RUNX1T1: variants seen among roughly 807,000 people sequenced by gnomAD.
RUNX1T1 encodes the protein protein CBFA2T1.
Under a neutral mutation model 62.8 loss-of-function variants are expected in RUNX1T1, and 4 were observed. That is an observed-to-expected ratio of 0.06 (90% CI 0.03 to 0.15). The LOEUF is 0.15. RUNX1T1 is among the 10% of genes least tolerant of loss of function. The pLI is 1.00. For synonymous variants in RUNX1T1, 291 were observed against 286.0 expected (o/e 1.02, Z -0.18); for missense variants, 508 against 754.3 (o/e 0.67, Z 3.82).
chr8:92,088,143 A>G (rs997678325), intron 1 of RUNX1T1, among the ~76,000 whole-genome samples: 1 of 152,240 alleles, frequency 6.6e-6, no homozygotes, highest in African/African-American at 2.4e-5. Flanking sequence ...ACACATGATA[A>G]AAGTTACAAA....
intron 1 of RUNX1T1, among the ~76,000 whole-genome samples, chr8:92,033,910 A>G (rs1462485089): frequency 6.6e-6 from 1 of 152,042 alleles, no homozygotes; most frequent in East Asian, 1.9e-4. Context: ...TGGAGGTTGC[A>G]GTGAGCTGAG....
intron 4 of RUNX1T1, among the ~76,000 whole-genome samples, chr8:92,008,842 AAAGAGACTATAG>A: frequency 6.6e-6 from 1 of 152,352 alleles, no homozygotes; most frequent in East Asian, 1.9e-4. Context: ...TATTTTCACA[AAAGAGACTATAG>A]AAATTGGGTG....
chr8:92,064,864 T>C (rs78123523), upstream of RUNX1T1, among the ~76,000 whole-genome samples: 284 of 152,326 alleles, frequency 1.9e-3, 1 homozygote, highest in African/African-American at 6.1e-3. Context: ...ATTATGTATC[T>C]TTTCTATGTG....
chr8:91,976,251 T>C (rs1813919788), intron 8 of RUNX1T1, among the ~76,000 whole-genome samples: 2 of 152,236 alleles, frequency 1.3e-5, no homozygotes, highest in African/African-American at 2.4e-5. Context: ...TTGGGAACAC[T>C]GTTCTCAGCA....
intron 1 of RUNX1T1, among the ~76,000 whole-genome samples, chr8:92,086,985 A>G (rs953867079): frequency 1.3e-5 from 2 of 152,206 alleles, no homozygotes; most frequent in South Asian, 4.1e-4. Flanking sequence ...TATTGGATGC[A>G]GGGTTTCCTT....
intron 2 of RUNX1T1, 79 bp downstream of exon 3, chr8:92,017,146 TC>T: frequency 2.8e-6 from 3 of 1,056,006 alleles, no homozygotes; most frequent in Non-Finnish European, 4.2e-6. Context: ...AATTTTATTT[TC>T]CCTTGATTTT....
intron 1 of RUNX1T1, among the ~76,000 whole-genome samples, chr8:92,096,292 T>G (rs1837738947): frequency 6.6e-6 from 1 of 152,162 alleles, no homozygotes. Context: ...AGAGTCTATT[T>G]TGGAGGTGGG....
At chr8:91,997,818 A>C (rs1586902112) in intron 5 of RUNX1T1, among the ~76,000 whole-genome samples, 1 of 152,108 alleles carries the variant, frequency 6.6e-6, no homozygotes, top group East Asian at 1.9e-4. Flanking sequence ...CCATCCCTAG[A>C]CTGTAGCTCC....
chr8:91,956,410 G>C, downstream of RUNX1T1: 1 of 229,614 alleles, frequency 4.4e-6, no homozygotes, highest in Non-Finnish European at 8.6e-6. Flanking sequence ...CTACAGATTT[G>C]ATTCAGCACC....
intron 10 of RUNX1T1, among the ~76,000 whole-genome samples, chr8:91,964,093 C>G (rs1311203468): frequency 6.6e-6 from 1 of 152,174 alleles, no homozygotes; most frequent in Admixed American, 6.5e-5. Context: ...ACACGAACCT[C>G]CCCTTTGCTA....
At chr8:92,052,740 G>A (rs1830426119) in intron 1 of RUNX1T1, among the ~76,000 whole-genome samples, 1 of 152,130 alleles carries the variant, frequency 6.6e-6, no homozygotes, top group Admixed American at 6.5e-5. Context: ...CTTGGGAGGG[G>A]GCAGAGAATT....
At chr8:92,020,103 C>T (rs1823791593) in intron 1 of RUNX1T1, among the ~76,000 whole-genome samples, 1 of 152,096 alleles carries the variant, frequency 6.6e-6, no homozygotes, top group East Asian at 1.9e-4. Context: ...AAAGTGGGAC[C>T]ATATGTAACT....
At chr8:92,018,791 C>T (rs1249342454) in intron 1 of RUNX1T1, among the ~76,000 whole-genome samples, 2 of 152,056 alleles carry the variant, frequency 1.3e-5, no homozygotes, top group Admixed American at 1.3e-4. Flanking sequence ...AGGGAAGATG[C>T]AATAAGAGAA....
At chr8:92,061,432 A>T (rs1832015633) in intron 1 of RUNX1T1, among the ~76,000 whole-genome samples, 1 of 152,216 alleles carries the variant, frequency 6.6e-6, no homozygotes, top group African/African-American at 2.4e-5. Context: ...ATGACCTTTC[A>T]AAGACCTCAG....
At chr8:91,972,397 A>G (rs1813034497) in intron 9 of RUNX1T1, among the ~76,000 whole-genome samples, 1 of 152,158 alleles carries the variant, frequency 6.6e-6, no homozygotes, top group South Asian at 2.1e-4. Context: ...TAAAAGATCC[A>G]TAGTGGAAAT....
chr8:92,075,985 C>T (rs1834363590), exon 2 of RUNX1T1: 1 of 1,611,148 alleles, frequency 6.2e-7, no homozygotes, highest in Non-Finnish European at 8.5e-7. Context: ...TTCAAAGTTC[C>T]CTTTTTTCCG....
rs1554639012 is a variant in RUNX1T1 at position 92,051,602 on chromosome 8, A to ACACT, written c.7+10943_7+10944insAGTG. 4.8e-4 allele frequency among the ~76,000 whole-genome samples: 68 copies of ACACT among 140,904 alleles called. 1 individual carries two copies. Among genetic ancestry groups the ACACT allele is most frequent in the South Asian group, 1.1e-3 (5 of 4,420 alleles). 92.4% of individuals were successfully genotyped at this position (140,904 alleles called of 152,430 possible). On this transcript the variant is annotated intron_variant, in intron 1 of 10. Transcript: ENST00000396218. ...CTCTCTCTCTCACACACACACACAC[A>ACACT]CTCTCTCTCTCTCTCTCTCTCACTC...
chr8:92,022,947 G>A (rs1824404392), intron 1 of RUNX1T1, among the ~76,000 whole-genome samples: 1 of 152,156 alleles, frequency 6.6e-6, no homozygotes, highest in Non-Finnish European at 1.5e-5. Flanking sequence ...TTCCTTGCTG[G>A]AGAGCCCTGA....
chr8:91,960,197 C>T lies in RUNX1T1; in HGVS notation c.*45G>A, dbSNP rs778341049. On this transcript the variant is annotated 3_prime_UTR_variant, in exon 11 of 11. Coordinates refer to ENST00000396218, the Ensembl canonical transcript of RUNX1T1. Reference sequence around the variant, plus strand: ...GCATCTGAGGATGAGGAATTGGTTTCGCGTTGGTTGTGTTGTCTTTCCTCC... The same window carrying T: ...GCATCTGAGGATGAGGAATTGGTTTTGCGTTGGTTGTGTTGTCTTTCCTCC... The T allele has an allele frequency of 3.4e-5, 53 of 1,569,292 alleles. 1 individual carries two copies. The highest frequency in any genetic ancestry group is 3.2e-4 in the South Asian group (28 of 86,586).
Sources: allele counts gnomAD v4.1 joint callset (sites outside exome capture counted in the v4.1 genomes callset), GRCh38; gene constraint gnomAD v4.1.1; transcripts MANE v1.5; gene names NCBI Gene and HGNC (gene_info 2026-07-23, HGNC 2026-07-21).